The following ZNF385C variants were observed in gnomAD, a reference collection of about 807,000 sequenced individuals.
The protein encoded by ZNF385C is zinc finger protein 385C, also known as CTD-2132N18.2.
A neutral mutation model predicts 35.4 loss-of-function variants in ZNF385C; 28 were observed. The observed-to-expected ratio is 0.79, with a 90% CI of 0.59 to 1.08. The LOEUF is 1.08. ZNF385C is among the 50% of genes least tolerant of loss of function. ZNF385C has a pLI of 0.00. For missense variants in ZNF385C, 605 were observed against 595.6 expected (o/e 1.02, Z -0.16); for synonymous variants, 248 against 248.2 (o/e 1.00, Z 0.01).
intron 8 of ZNF385C, 64 bp downstream of exon 8, chr17:42,027,554 G>GCCCAACCC: frequency 3.6e-6 from 2 of 556,882 alleles, no homozygotes; most frequent in East Asian, 3.4e-5. Flanking sequence ...CCCCCATCTG[G>GCCCAACCC]CCCTCCCAGC....
chr17:42,065,468 A>G (rs1332296136), intron 1 of ZNF385C: 2 of 152,202 alleles, frequency 1.3e-5, no homozygotes, highest in African/African-American at 2.4e-5. Context: ...AAGACTATAC[A>G]TCCAACAGTG....
At chr17:42,063,767 T>C (rs4796766) in intron 1 of ZNF385C, among the ~76,000 whole-genome samples, 100,151 of 151,442 alleles carry the variant, frequency 0.66, 33,562 homozygotes, top group African/African-American at 0.72. Context: ...TTCTCAGCTC[T>C]ACAGCAAGCG....
At chr17:42,038,435 G>C (rs1013417713) in intron 2 of ZNF385C, 5 of 203,996 alleles carry the variant, frequency 2.5e-5, no homozygotes. Context: ...GGCCTAAACT[G>C]CTTCCCCCAG....
chr17:42,085,154 A>G (rs2053793222), intron 1 of ZNF385C, among the ~76,000 whole-genome samples: 2 of 151,596 alleles, frequency 1.3e-5, no homozygotes, highest in African/African-American at 4.8e-5. Flanking sequence ...AAAATTAGCC[A>G]GGCGTGGTGG....
At chr17:42,037,632 G>C in intron 3 of ZNF385C, 105 bp downstream of exon 3, 4 of 1,352,292 alleles carry the variant, frequency 3.0e-6, no homozygotes, top group Non-Finnish European at 3.9e-6. Context: ...TGGAGAAAAA[G>C]CTCCTGGTTA....
chr17:42,027,996 C>G, intron 7 of ZNF385C, 54 bp downstream of exon 7: 9 of 1,551,130 alleles, frequency 5.8e-6, no homozygotes, highest in Non-Finnish European at 6.2e-6. Context: ...TGCTGCCCTG[C>G]CCCCCAACCC....
chr17:42,027,966 C>T (rs145565025), intron 7 of ZNF385C, 84 bp downstream of exon 7: 3 of 1,520,414 alleles, frequency 2.0e-6, no homozygotes, highest in Non-Finnish European at 2.7e-6. Flanking sequence ...CCTGCCTGCT[C>T]TCTTCAGGGT....
At chr17:42,029,388 C>T (rs2052675316) in intron 5 of ZNF385C, among the ~76,000 whole-genome samples, 1 of 152,206 alleles carries the variant, frequency 6.6e-6, no homozygotes, top group South Asian at 2.1e-4. Context: ...ACTGAAACTA[C>T]CCACATGTCC....
intron 1 of ZNF385C, among the ~76,000 whole-genome samples, chr17:42,085,883 C>T (rs535299674): frequency 6.6e-6 from 1 of 152,170 alleles, no homozygotes; most frequent in South Asian, 2.1e-4. Context: ...AGGCGTGAGC[C>T]ACCACGCCCG....
chr17:42,054,676 G>T (rs1416663441), intron 2 of ZNF385C, among the ~76,000 whole-genome samples: 1 of 151,816 alleles, frequency 6.6e-6, no homozygotes, highest in Non-Finnish European at 1.5e-5. Context: ...CTGCCTCCCG[G>T]GTTCAAGCAA....
At chr17:42,091,058 G>A (rs995994348) in intron 1 of ZNF385C, among the ~76,000 whole-genome samples, 2 of 152,076 alleles carry the variant, frequency 1.3e-5, no homozygotes, top group Non-Finnish European at 2.9e-5. Context: ...GGGCTTGGGG[G>A]TAGGGGCTGG....
chr17:42,047,655 G>A (rs2053194754), intron 2 of ZNF385C, among the ~76,000 whole-genome samples: 1 of 151,852 alleles, frequency 6.6e-6, no homozygotes, highest in African/African-American at 2.4e-5. Flanking sequence ...CCTCTTCCTT[G>A]GGACTTTTTT....
In ZNF385C at chr17:42,029,034, G is replaced by T. The variant is rs1598177719; in HGVS notation, c.716C>A (p.Pro239Gln). The part of the protein sequence containing the change: ...APPLGPPLQP[P>Q]PTPDPTCREP... Reference sequence around the variant, plus strand: ...CCTGCATGTAGGGTCTGGAGTTGGTGGTGGCTGGAGTGGAGGCCCAAGAGG... The same window carrying T: ...CCTGCATGTAGGGTCTGGAGTTGGTTGTGGCTGGAGTGGAGGCCCAAGAGG... Residue 239 changes from proline (P) to glutamine (Q), a missense_variant, in exon 6 of 9, where the codon CCA (proline) becomes CAA (glutamine). By Grantham distance (76) the Pro-to-Gln change is moderately conservative. Coordinates refer to ENST00000692273, the MANE Select transcript of ZNF385C (RefSeq NM_001392013.1). 1 of 1,550,242 alleles carries T rather than the reference G, an allele frequency of 6.5e-7. No homozygotes were observed. The highest frequency in any genetic ancestry group is 8.7e-7 in the Non-Finnish European group (1 of 1,146,970).
intron 2 of ZNF385C, chr17:42,040,411 G>A (rs2052988944): frequency 8.1e-7 from 1 of 1,231,986 alleles, no homozygotes; most frequent in Non-Finnish European, 1.0e-6. Flanking sequence ...GCCGCGCTGA[G>A]CTTGGAGGGA....
intron 1 of ZNF385C, among the ~76,000 whole-genome samples, chr17:42,097,810 GAC>G (rs2053932962): frequency 6.6e-6 from 1 of 152,176 alleles, no homozygotes; most frequent in Admixed American, 6.5e-5. Context: ...CTGTGACACA[GAC>G]ACAGAAAAGA....
At position 42,078,987 on chromosome 17, in the gene ZNF385C, C is replaced by A. The variant is rs186810620; in HGVS notation, c.-2-15929G>T. Among the ~76,000 whole-genome samples, 31 of 152,000 alleles carry A rather than the reference C, an allele frequency of 2.0e-4. No individual in the cohort carries two copies. The East Asian group carries it at 5.4e-3, about 27-fold the overall frequency. ...GTCTGTAAAATGGAGATAATGGTAA[C>A]AACAATGCCTAATAATAACTCCTCT... On this transcript the variant is annotated intron_variant, in intron 1 of 8. Transcript: ENST00000692273.
intron 2 of ZNF385C, chr17:42,040,241 T>C: frequency 8.9e-6 from 11 of 1,231,572 alleles, no homozygotes; most frequent in Non-Finnish European, 1.1e-5. Flanking sequence ...CCCTTCCGCA[T>C]GGAGTCCAGG....
intron 1 of ZNF385C, among the ~76,000 whole-genome samples, chr17:42,066,043 TTTTG>T (rs1240423291): frequency 9.2e-5 from 14 of 152,000 alleles, no homozygotes; most frequent in East Asian, 5.8e-4. Context: ...ATCAGCTGTT[TTTTG>T]TTTGTTTGTC....
intron 2 of ZNF385C, chr17:42,040,578 C>T (rs1172458644): frequency 4.1e-6 from 5 of 1,232,646 alleles, no homozygotes; most frequent in East Asian, 6.3e-5. Context: ...CCAGTGACCC[C>T]GCCACAGGTG....
Sources: gnomAD v4.1 joint callset for allele counts (sites outside exome capture counted in the v4.1 genomes callset) on GRCh38, gnomAD v4.1.1 for gene constraint, MANE v1.5 for transcripts, NCBI Gene and HGNC (gene_info 2026-07-23, HGNC 2026-07-21) for gene names.